ARFGAP3: variants seen among roughly 807,000 people sequenced by gnomAD.
ARFGAP3 encodes the protein ADP-ribosylation factor GTPase-activating protein 3.
A neutral mutation model predicts 75.0 loss-of-function variants in ARFGAP3; 72 were observed. That is an observed-to-expected ratio of 0.96 (90% CI 0.79 to 1.17). The LOEUF (loss-of-function observed/expected upper bound fraction) is 1.17. Among genes scored for constraint, ARFGAP3 ranks in the 50% most tolerant of loss-of-function variants. ARFGAP3 has a pLI of 0.00. For synonymous variants in ARFGAP3, 221 were observed against 217.9 expected (o/e 1.01, Z -0.13); for missense variants, 620 against 626.6 (o/e 0.99, Z 0.11).
At chr22:42,812,575 T>C (rs1351246202) in intron 11 of ARFGAP3, among the ~76,000 whole-genome samples, 1 of 151,868 alleles carries the variant, frequency 6.6e-6, no homozygotes, top group Admixed American at 6.6e-5. Flanking sequence ...CAAGAACCCA[T>C]AAGAGCAAAG....
chr22:42,837,761 G>GCGC, intron 3 of ARFGAP3, among the ~76,000 whole-genome samples: 1 of 131,866 alleles, frequency 7.6e-6, no homozygotes, highest in Non-Finnish European at 1.5e-5. Context: ...GCTCACTGTA[G>GCGC]CGCCAACCCC....
At chr22:42,851,410 C>T (rs1569176949) in intron 1 of ARFGAP3, among the ~76,000 whole-genome samples, 1 of 152,224 alleles carries the variant, frequency 6.6e-6, no homozygotes, top group South Asian at 2.1e-4. Context: ...TGGCATCCTC[C>T]GGACCCATCA....
At position 42,853,069 on chromosome 22, in the gene ARFGAP3, ATTTG is replaced by A. The variant is rs1210790787; in HGVS notation, c.69+4041_69+4044del. 2.0e-5 allele frequency among the ~76,000 whole-genome samples: 3 copies of A among 152,104 alleles called. No individual in the cohort carries two copies. The East Asian group carries it at 5.8e-4, about 29-fold the overall frequency. ...GTGAGCCACCGCGCCCGGCCTATTT[ATTTG>A]TTTTTTAAATCAATGAATGTTTTCT... On this transcript the variant is annotated intron_variant, in intron 1 of 15. Coordinates refer to ENST00000263245, the MANE Select transcript of ARFGAP3 (RefSeq NM_014570.5).
At chr22:42,837,957 C>G (rs1263282820) in intron 3 of ARFGAP3, among the ~76,000 whole-genome samples, 2 of 151,104 alleles carry the variant, frequency 1.3e-5, no homozygotes, top group East Asian at 2.0e-4. Flanking sequence ...CAGGTAGGAG[C>G]AACCATGCCT....
At chr22:42,847,826 AT>A in intron 1 of ARFGAP3, 194 bp from the exon 2 acceptor site, 1 of 187,512 alleles carries the variant, frequency 5.3e-6, no homozygotes, top group Non-Finnish European at 9.8e-6. Context: ...ATTATATATA[AT>A]TATATTAATT....
chr22:42,815,139 C>A (rs777175068), intron 11 of ARFGAP3, among the ~76,000 whole-genome samples: 1 of 152,224 alleles, frequency 6.6e-6, no homozygotes, highest in African/African-American at 2.4e-5. Flanking sequence ...AATACAGACC[C>A]GTACTGCCAA....
At chr22:42,827,660 C>A (rs1926103373) in intron 6 of ARFGAP3, among the ~76,000 whole-genome samples, 1 of 152,224 alleles carries the variant, frequency 6.6e-6, no homozygotes, top group Admixed American at 6.5e-5. Flanking sequence ...GCCACTGAAC[C>A]CGGCCTAATA....
intron 1 of ARFGAP3, among the ~76,000 whole-genome samples, chr22:42,854,420 T>C (rs57951623): frequency 0.049 from 7,404 of 151,236 alleles, 292 homozygotes; most frequent in African/African-American, 0.11. Context: ...AGGTCAGGAG[T>C]TTGAGACCAG....
intron 14 of ARFGAP3, among the ~76,000 whole-genome samples, chr22:42,801,859 C>A (rs1405962552): frequency 6.6e-6 from 1 of 152,106 alleles, no homozygotes; most frequent in Non-Finnish European, 1.5e-5. Flanking sequence ...TGCAAGGGGG[C>A]CTAACCAGGC....
At chr22:42,841,258 G>A (rs933787200) in intron 2 of ARFGAP3, 4 of 223,118 alleles carry the variant, frequency 1.8e-5, no homozygotes, top group Admixed American at 6.5e-5. Context: ...AAGTGTCAGC[G>A]GGCTGCTGGA....
chr22:42,839,977 C>T (rs1469824449), intron 3 of ARFGAP3, among the ~76,000 whole-genome samples: 1 of 152,198 alleles, frequency 6.6e-6, no homozygotes, highest in East Asian at 1.9e-4. Flanking sequence ...ATCAACCAGG[C>T]TGGAGCACAA....
At chr22:42,837,635 A>C (rs1020728270) in intron 3 of ARFGAP3, among the ~76,000 whole-genome samples, 3 of 148,646 alleles carry the variant, frequency 2.0e-5, no homozygotes, top group Non-Finnish European at 3.0e-5. Context: ...AAAAAAAAAA[A>C]AAAACCAAAA....
At position 42,798,530 on chromosome 22, in the gene ARFGAP3, A is replaced by C. The variant is rs377684431; in HGVS notation, c.1533+509T>G. Among the ~76,000 whole-genome samples the C allele has an allele frequency of 5.9e-5, 9 of 152,176 alleles. No homozygotes were observed. The South Asian group carries it at 1.2e-3, about 21-fold the overall frequency. On this transcript the variant is annotated intron_variant, in intron 15 of 15. Coordinates refer to ENST00000263245, the MANE Select transcript of ARFGAP3 (RefSeq NM_014570.5). ...CTTGGCTTATGTTTTCACTCAATAG[A>C]ATGTGGTTTTAGGAAAACTTTTCAT...
intron 3 of ARFGAP3, among the ~76,000 whole-genome samples, chr22:42,837,538 T>C (rs1926572174): frequency 6.8e-6 from 1 of 146,942 alleles, no homozygotes; most frequent in South Asian, 2.1e-4. Context: ...GAGAATCACC[T>C]GAGCCCAGGA....
chr22:42,814,243 A>G (rs190675119), intron 11 of ARFGAP3, among the ~76,000 whole-genome samples: 65 of 152,372 alleles, frequency 4.3e-4, no homozygotes, highest in Admixed American at 9.1e-4. Context: ...GGGCTAATGA[A>G]TAATTTGAAA....
intron 2 of ARFGAP3, among the ~76,000 whole-genome samples, chr22:42,841,843 C>A (rs189999957): frequency 1.7e-3 from 260 of 150,640 alleles, no homozygotes; most frequent in Non-Finnish European, 2.8e-3. Flanking sequence ...TTCCTTTGTG[C>A]TGCCCTTATA....
chr22:42,812,483 C>T (rs368015074), intron 11 of ARFGAP3, among the ~76,000 whole-genome samples: 50 of 152,142 alleles, frequency 3.3e-4, no homozygotes, highest in African/African-American at 9.9e-4. Context: ...CACCAAGCTC[C>T]GTGCTATAAG....
At chr22:42,818,012 G>A (rs1925655634) in intron 9 of ARFGAP3, 155 bp from the exon 10 acceptor site, 2 of 699,332 alleles carry the variant, frequency 2.9e-6, no homozygotes, top group Admixed American at 6.3e-5. Context: ...TTTTCTACCT[G>A]CCTTTTTTGA....
At chr22:42,823,633 T>C in intron 8 of ARFGAP3, 23 bp downstream of exon 8, 2 of 1,486,530 alleles carry the variant, frequency 1.3e-6, no homozygotes, top group East Asian at 2.4e-5. Context: ...CAGATTTTTA[T>C]ATATAAAGTA....
Sources: gnomAD v4.1 joint callset for allele counts (sites outside exome capture counted in the v4.1 genomes callset) on GRCh38, gnomAD v4.1.1 for gene constraint, MANE v1.5 for transcripts, NCBI Gene and HGNC (gene_info 2026-07-23, HGNC 2026-07-21) for gene names.